Variants in GABRG3 observed in about 807,000 individuals in gnomAD.
GABRG3 encodes the protein gamma-aminobutyric acid receptor subunit gamma-3.
In GABRG3, 25 loss-of-function variants were observed where a neutral mutation model predicts 48.8. The ratio of observed to expected loss-of-function variants is 0.51; its 90% CI spans 0.37 to 0.72. GABRG3 has a LOEUF of 0.72. Ranked by LOEUF, GABRG3 falls within the 30% of genes least tolerant of loss-of-function variation. The pLI is 0.00. For missense variants in GABRG3, 394 were observed against 577.9 expected, an observed-to-expected ratio of 0.68 and a Z score of 3.26; for synonymous variants, 227 against 217.6, an observed-to-expected ratio of 1.04 and a Z score of -0.38.
chr15:27,224,951 C>G (rs1022245242), intron 3 of GABRG3, among the ~76,000 whole-genome samples: 1 of 152,036 alleles, frequency 6.6e-6, no homozygotes, highest in African/African-American at 2.4e-5. Flanking sequence ...CACTCAGTTG[C>G]TAGGAATGGT....
intron 5 of GABRG3, among the ~76,000 whole-genome samples, chr15:27,478,837 G>A (rs1890025525): frequency 6.6e-6 from 1 of 152,212 alleles, no homozygotes; most frequent in Non-Finnish European, 1.5e-5. Context: ...GTACTGATGT[G>A]TGCTACGATA....
chr15:27,251,251 C>A (rs115894521), intron 3 of GABRG3, among the ~76,000 whole-genome samples: 2 of 152,102 alleles, frequency 1.3e-5, no homozygotes, highest in African/African-American at 2.4e-5. Flanking sequence ...TTGTCCTCAG[C>A]GGTGCCTGTT....
intron 3 of GABRG3, among the ~76,000 whole-genome samples, chr15:27,064,071 G>A (rs1230983309): frequency 6.6e-6 from 1 of 152,202 alleles, no homozygotes; most frequent in African/African-American, 2.4e-5. Flanking sequence ...ATCTCAAGAT[G>A]CAAATGATCC....
At chr15:27,198,633 A>G (rs1054666110) in intron 3 of GABRG3, among the ~76,000 whole-genome samples, 2 of 152,200 alleles carry the variant, frequency 1.3e-5, no homozygotes, top group Non-Finnish European at 2.9e-5. Flanking sequence ...TGACCCAGCA[A>G]TCCCATTACT....
intron 2 of GABRG3, among the ~76,000 whole-genome samples, chr15:26,980,468 G>A (rs1415094352): frequency 6.6e-6 from 1 of 152,164 alleles, no homozygotes; most frequent in East Asian, 1.9e-4. Flanking sequence ...ACGAGGTCAG[G>A]AGATCAAGGC....
chr15:27,468,821 GA>G (rs960945234), intron 5 of GABRG3, among the ~76,000 whole-genome samples: 4 of 151,576 alleles, frequency 2.6e-5, no homozygotes, highest in African/African-American at 4.8e-5. Context: ...AATAAGAAAA[GA>G]AAAAAAATCA....
At chr15:27,454,925 G>A (rs1400057636) in intron 5 of GABRG3, among the ~76,000 whole-genome samples, 2 of 152,182 alleles carry the variant, frequency 1.3e-5, no homozygotes, top group African/African-American at 4.8e-5. Flanking sequence ...TGCCTGGCAT[G>A]TTACACGGTC....
intron 5 of GABRG3, among the ~76,000 whole-genome samples, chr15:27,343,323 C>T (rs1030581196): frequency 2.6e-5 from 4 of 152,156 alleles, no homozygotes; most frequent in East Asian, 1.9e-4. Context: ...TGCTTTGTTG[C>T]CGATTTAACA....
At chr15:27,351,833 AGT>A (rs1220591149) in intron 5 of GABRG3, among the ~76,000 whole-genome samples, 1 of 132,936 alleles carries the variant, frequency 7.5e-6, no homozygotes, top group African/African-American at 2.9e-5. Context: ...ATGTGTGTAT[AGT>A]GTGTGTGTTT....
chr15:27,307,363 C>CCATAGGTTTATATGTTTATATATAAA lies in GABRG3; in HGVS notation c.271-19442_271-19441insGGTTTATATGTTTATATATAAACATA, dbSNP rs1566770977. ...TAGGTTTATATATGTTTATATATAA[C>CCATAGGTTTATATGTTTATATATAAA]CATATAGGTTTATATATTTATATAT... On this transcript the variant is annotated intron_variant, in intron 3 of 9. Coordinates refer to ENST00000615808, the MANE Select transcript of GABRG3 (RefSeq NM_033223.5). Among the ~76,000 whole-genome samples the CCATAGGTTTATATGTTTATATATAAA allele has an allele frequency of 4.5e-3, 115 of 25,790 alleles. 21 individuals carry two copies. The highest frequency in any genetic ancestry group is 0.018 in the African/African-American group (113 of 6,438). The allele number at this position is 25,790 out of a possible 152,430, so 16.9% of individuals were successfully genotyped here.
chr15:27,492,017 A>C (rs1890368595), intron 6 of GABRG3, among the ~76,000 whole-genome samples: 1 of 152,158 alleles, frequency 6.6e-6, no homozygotes, highest in South Asian at 2.1e-4. Context: ...CGTTGGGGTA[A>C]TTTATTGGTC....
chr15:27,203,360 T>G (rs1458286474), intron 3 of GABRG3, among the ~76,000 whole-genome samples: 1 of 152,218 alleles, frequency 6.6e-6, no homozygotes, highest in Admixed American at 6.5e-5. Context: ...TCCATGTTGC[T>G]GCAAAGGATA....
intron 6 of GABRG3, among the ~76,000 whole-genome samples, chr15:27,500,087 G>A (rs1335747278): frequency 6.6e-6 from 1 of 152,188 alleles, no homozygotes; most frequent in Non-Finnish European, 1.5e-5. Context: ...CTCTGCGTGG[G>A]GAGTGGACTT....
At chr15:27,005,791 C>T (rs1282232816) in intron 2 of GABRG3, among the ~76,000 whole-genome samples, 1 of 152,186 alleles carries the variant, frequency 6.6e-6, no homozygotes, top group Non-Finnish European at 1.5e-5. Context: ...CAAGTCTGAC[C>T]TAGATCAAGT....
chr15:27,512,651 AG>A (rs1890922553), intron 6 of GABRG3, among the ~76,000 whole-genome samples: 1 of 152,220 alleles, frequency 6.6e-6, no homozygotes, highest in Non-Finnish European at 1.5e-5. Flanking sequence ...AAAGAATAGA[AG>A]GGAGAAGGTC....
chr15:27,350,459 C>G (rs542127362), intron 5 of GABRG3: 1 of 323,994 alleles, frequency 3.1e-6, no homozygotes, highest in African/African-American at 2.1e-5. Flanking sequence ...AAAATGGACA[C>G]ATTCAGTATA....
At chr15:27,441,744 G>A (rs949704300) in intron 5 of GABRG3, among the ~76,000 whole-genome samples, 4 of 152,084 alleles carry the variant, frequency 2.6e-5, no homozygotes, top group Admixed American at 6.5e-5. Flanking sequence ...TCTTCTCTGC[G>A]CCTTGACCTC....
At chr15:27,420,141 T>G (rs1164465288) in intron 5 of GABRG3, among the ~76,000 whole-genome samples, 1 of 152,164 alleles carries the variant, frequency 6.6e-6, no homozygotes, top group African/African-American at 2.4e-5. Flanking sequence ...GTGCAAATCC[T>G]TTTTTTAGAA....
intron 3 of GABRG3, among the ~76,000 whole-genome samples, chr15:27,271,877 G>A (rs775811465): frequency 6.6e-6 from 1 of 152,210 alleles, no homozygotes; most frequent in Non-Finnish European, 1.5e-5. Flanking sequence ...TTAAACTGGG[G>A]TGGCTTAATT....
Sources: allele counts gnomAD v4.1 joint callset (sites outside exome capture counted in the v4.1 genomes callset), GRCh38; gene constraint gnomAD v4.1.1; transcripts MANE v1.5; gene names NCBI Gene and HGNC (gene_info 2026-07-23, HGNC 2026-07-21).